Variants in WDR35 observed in about 807,000 individuals in gnomAD.
The protein encoded by WDR35 is WD repeat domain 35.
A neutral mutation model predicts 158.3 loss-of-function variants in WDR35; 118 were observed. That is an observed-to-expected ratio of 0.75 (90% confidence interval 0.64 to 0.87). The LOEUF (loss-of-function observed/expected upper bound fraction) is 0.87, where lower values mean the gene tolerates loss of function less well. WDR35 is among the 40% of genes least tolerant of loss of function. The pLI is 0.00. For missense variants in WDR35, 1,263 were observed against 1,405.8 expected (o/e 0.90, Z 1.62); for synonymous variants, 448 against 476.1 (o/e 0.94, Z 0.77).
chr2:19,978,623 C>A, intron 5 of WDR35, 128 bp downstream of exon 5: 1 of 1,381,550 alleles, frequency 7.2e-7, no homozygotes, highest in South Asian at 1.3e-5. Flanking sequence ...AATTGTATAT[C>A]AAATAGTTTC....
At chr2:19,916,946 G>A (rs780322515) in intron 25 of WDR35, among the ~76,000 whole-genome samples, 1 of 152,156 alleles carries the variant, frequency 6.6e-6, no homozygotes, top group Admixed American at 6.5e-5. Flanking sequence ...ACACCTCCCA[G>A]TGGGTCCCTG....
At chr2:19,948,330 A>G in intron 13 of WDR35, 113 bp from the exon 14 acceptor site, 5 of 937,730 alleles carry the variant, frequency 5.3e-6, no homozygotes, top group Non-Finnish European at 8.3e-6. Flanking sequence ...CTTAACCAAC[A>G]TTTATTTACT....
chr2:19,948,356 T>C (rs540919240), intron 13 of WDR35, 139 bp from the exon 14 acceptor site: 13 of 708,162 alleles, frequency 1.8e-5, no homozygotes, highest in South Asian at 1.3e-4. Context: ...GCACCTACTA[T>C]GTGCCAACCA....
At chr2:19,935,148 TC>T in intron 21 of WDR35, 1 of 162,964 alleles carries the variant, frequency 6.1e-6, no homozygotes, top group South Asian at 2.0e-4. Flanking sequence ...TTGAAGCAAA[TC>T]CCTAGCAACA....
intron 3 of WDR35, 145 bp downstream of exon 3, chr2:19,982,318 G>A: frequency 1.2e-6 from 1 of 806,040 alleles, no homozygotes; most frequent in Non-Finnish European, 2.0e-6. Flanking sequence ...GGGTTTATTG[G>A]AACATATCCC....
intron 10 of WDR35, among the ~76,000 whole-genome samples, chr2:19,961,490 C>G (rs1671656665): frequency 6.6e-6 from 1 of 152,168 alleles, no homozygotes; most frequent in African/African-American, 2.4e-5. Context: ...CAGCTGCACA[C>G]AGGAGCAGAG....
chr2:19,970,130 A>G (rs984752625), intron 8 of WDR35, among the ~76,000 whole-genome samples: 1 of 152,210 alleles, frequency 6.6e-6, no homozygotes, highest in African/African-American at 2.4e-5. Context: ...AGCAAATTTC[A>G]TCAAATCTAA....
In WDR35 at chr2:19,979,474, C is replaced by T. The variant is rs938408184; in HGVS notation, c.308-595G>A. On this transcript the variant is annotated intron_variant, in intron 4 of 26. Transcript: ENST00000281405. ...ATTAGTGACACGACATCTCTAATGC[C>T]GAATGACAAAAATATTCTAGTTGTA... 3.9e-5 allele frequency among the ~76,000 whole-genome samples: 6 copies of T among 151,970 alleles called. No individual in the cohort carries two copies. The South Asian group carries it at 6.3e-4, about 16-fold the overall frequency.
Position 19,966,830 on chromosome 2 carries a change from G to C in WDR35, c.1088C>G (p.Thr363Arg). 6.2e-7 allele frequency: 1 copy of C among 1,613,758 alleles called. No individual in the cohort carries two copies. The highest frequency in any genetic ancestry group is 8.5e-7 in the Non-Finnish European group (1 of 1,179,878). ...TTTAACATATTTTTCATTGTTTTTC[G>C]TATCCCAGAAGACAACACAATATTC... The part of the protein sequence containing the change: ...RPEYCVVFWD[T>R]KNNEKYVKYV... Residue 363 changes from threonine (T) to arginine (R), a missense_variant, in exon 10 of 27, where the codon ACG becomes AGG. Physicochemically the swap from Thr to Arg is moderately conservative, Grantham distance 71. Transcript: ENST00000281405.
Position 19,959,397 on chromosome 2 carries a change from C to T in WDR35, c.1255+1157G>A, listed in dbSNP as rs148724901. Among the ~76,000 whole-genome samples the T allele has an allele frequency of 6.3e-3, 958 of 152,034 alleles. 8 individuals are homozygous for T. Among genetic ancestry groups the T allele is most frequent in the Non-Finnish European group, 9.4e-3 (638 of 67,888 alleles). On this transcript the variant is annotated intron_variant, in intron 11 of 26. Transcript: ENST00000281405. ...AAAGACTGTTAATGCTTCTAATAAACAAGAGATATTTATGTGATGAGAGTC... is the reference window on the plus strand; with the variant it reads ...AAAGACTGTTAATGCTTCTAATAAATAAGAGATATTTATGTGATGAGAGTC...
rs1670640998 is a variant in WDR35, at chr2:19,934,797, G to T, written c.2547+674C>A. Among the ~76,000 whole-genome samples the T allele has an allele frequency of 6.6e-6, 1 of 152,054 alleles. No individual in the cohort carries two copies. Among genetic ancestry groups the T allele is most frequent in the South Asian group, 2.1e-4 (1 of 4,826 alleles). ...GATAGCCGCTCAAATTCACAATAGG[G>T]AAAACTGAATTACCGTAATTCTATA... On this transcript the variant is annotated intron_variant, in intron 21 of 26. Coordinates refer to ENST00000281405, the MANE Select transcript of WDR35 (RefSeq NM_020779.4). This position sits in a 1 kb window ranked among gnomAD's most constrained non-coding sequence, Gnocchi z 4.6.
At position 19,958,957 on chromosome 2, in the gene WDR35, T is replaced by A. The variant is rs543634251; in HGVS notation, c.1255+1597A>T. Reference sequence around the variant, plus strand: ...GGAAGAGTAGGTGGCAAAACAAAAATAATAAATTCTAGAAGAGTATCACTC... The same window carrying A: ...GGAAGAGTAGGTGGCAAAACAAAAAAAATAAATTCTAGAAGAGTATCACTC... On this transcript the variant is annotated intron_variant, in intron 11 of 26. Transcript: ENST00000281405. 5.3e-5 allele frequency among the ~76,000 whole-genome samples: 8 copies of A among 152,244 alleles called. No homozygotes were observed. The South Asian group carries it at 1.4e-3, about 28-fold the overall frequency.
chr2:19,986,117 G>T (rs1415254248), intron 2 of WDR35, among the ~76,000 whole-genome samples: 1 of 152,194 alleles, frequency 6.6e-6, no homozygotes, highest in African/African-American at 2.4e-5. Flanking sequence ...TGCTGATGCA[G>T]ATGTTGTTAA....
chr2:19,968,578 T>C (rs1292298897), intron 9 of WDR35, among the ~76,000 whole-genome samples: 1 of 152,238 alleles, frequency 6.6e-6, no homozygotes, highest in African/African-American at 2.4e-5. Context: ...CTTTCAGCAA[T>C]GTCCTTTTGA....
Position 19,969,607 on chromosome 2 carries a change from T to C in WDR35, c.883-2A>G. 1.2e-6 allele frequency: 2 copies of C among 1,613,492 alleles called. No homozygotes were observed. Among genetic ancestry groups the C allele is most frequent in the Non-Finnish European group, 1.7e-6 (2 of 1,179,832 alleles). On this transcript the variant is annotated splice_acceptor_variant, in intron 8 of 26. Transcript: ENST00000281405. LOFTEE classifies it high-confidence loss of function. ...AGGAACTTTCAAAGTACCCAGATGCTGAAAAAGAAAGTTATCTTTAACCTA... is the reference window on the plus strand; with the variant it reads ...AGGAACTTTCAAAGTACCCAGATGCCGAAAAAGAAAGTTATCTTTAACCTA...
Position 19,913,706 on chromosome 2 carries a change from C to CGA in WDR35, c.3364_3365insTC (p.Gly1122ValfsTer36). On this transcript the variant is annotated frameshift_variant and splice_region_variant, in exon 27 of 27. Coordinates refer to ENST00000281405, the MANE Select transcript of WDR35 (RefSeq NM_020779.4). LOFTEE classifies it high-confidence loss of function. Reference sequence around the variant, plus strand: ...AACGCATGTTGGCAGTTTCCCTTCTCCACTGTAAAACGGGGAGAAACAATT... The same window carrying CGA: ...AACGCATGTTGGCAGTTTCCCTTCTCGACACTGTAAAACGGGGAGAAACAATT... The CGA allele has an allele frequency of 6.2e-7, 1 of 1,613,972 alleles. No individual in the cohort carries two copies. The highest frequency in any genetic ancestry group is 8.5e-7 in the Non-Finnish European group (1 of 1,179,944).
At chr2:19,971,206 A>T (rs533746252) in intron 8 of WDR35, among the ~76,000 whole-genome samples, 1 of 152,304 alleles carries the variant, frequency 6.6e-6, no homozygotes, top group African/African-American at 2.4e-5. Context: ...CTTTACTGGT[A>T]TCCCTTGTTC....
chr2:19,973,749 C>G, intron 7 of WDR35, 41 bp from the exon 8 acceptor site: 1 of 1,587,466 alleles, frequency 6.3e-7, no homozygotes, highest in Non-Finnish European at 8.6e-7. Flanking sequence ...TGGGAAAATA[C>G]GTAGCCTAGA....
At chr2:19,954,067 AC>A (rs1388030474) in intron 11 of WDR35, 89 bp from the exon 12 acceptor site, 2 of 1,482,070 alleles carry the variant, frequency 1.3e-6, no homozygotes, top group African/African-American at 2.8e-5. Context: ...ACGGAGTTCA[AC>A]CCCTCATTTT....
Sources: gnomAD v4.1 joint callset for allele counts (sites outside exome capture counted in the v4.1 genomes callset) on GRCh38, gnomAD v4.1.1 for gene constraint, Gnocchi (gnomAD v3.1) non-coding constraint, MANE v1.5 for transcripts, NCBI Gene and HGNC (gene_info 2026-07-23, HGNC 2026-07-21) for gene names.